Variants in ADAMTSL2 observed in about 807,000 individuals in gnomAD.
ADAMTSL2 encodes the protein ADAMTS like 2.
In ADAMTSL2, 55 loss-of-function variants were observed where a neutral mutation model predicts 117.0. The ratio of observed to expected loss-of-function variants is 0.47; its 90% CI spans 0.38 to 0.59. The LOEUF is 0.59. Ranked by LOEUF, ADAMTSL2 falls within the 20% of genes least tolerant of loss-of-function variation. The pLI, the probability that ADAMTSL2 is intolerant of heterozygous loss-of-function variation, is 0.00. For missense variants in ADAMTSL2, 1,182 were observed against 1,354.5 expected (o/e 0.87, Z 2.00); for synonymous variants, 572 against 566.4 (o/e 1.01, Z -0.14).
chr9:133,534,972 A>C, intron 1 of ADAMTSL2, 55 bp downstream of exon 1: 1 of 1,349,184 alleles, frequency 7.4e-7, no homozygotes, highest in Non-Finnish European at 9.5e-7. Flanking sequence ...AGGCCAGCCC[A>C]CTGCTCAGAG....
rs780918838 is a variant in ADAMTSL2, at chr9:133,540,792, G to A, written c.558+49G>A. 1.9e-6 allele frequency: 3 copies of A among 1,613,274 alleles called. No homozygotes were observed. The Admixed American group carries it at 5.0e-5, about 27-fold the overall frequency. On this transcript the variant is annotated intron_variant, in intron 6 of 18. Transcript: ENST00000651351. ...TACCGCCGGTCTCACTGTGCTGACT[G>A]CCCGCCCGCCTGTGGGAGGCAGTGG... is the stretch of plus-strand genomic sequence containing the variant.
chr9:133,567,707 C>G lies in ADAMTSL2; in HGVS notation c.1875-566C>G, dbSNP rs1404408774. Among the ~76,000 whole-genome samples, 4 of 152,222 alleles carry G rather than the reference C, an allele frequency of 2.6e-5. No individual in the cohort carries two copies. In the East Asian group the frequency reaches 5.8e-4, roughly 22 times the overall value. ...CACGTTTGCTCCTTTCTGGGAAGGGCAGAATGCCCAAGGTCCCCAGAATGC... is the reference window on the plus strand; with the variant it reads ...CACGTTTGCTCCTTTCTGGGAAGGGGAGAATGCCCAAGGTCCCCAGAATGC... On this transcript the variant is annotated intron_variant, in intron 13 of 18. Transcript: ENST00000651351.
At chr9:133,570,016 G>A (rs1024712955) in intron 16 of ADAMTSL2, among the ~76,000 whole-genome samples, 44 of 152,270 alleles carry the variant, frequency 2.9e-4, no homozygotes, top group African/African-American at 1.0e-3. Context: ...AGCAGCTCCC[G>A]GCAGGTCACT....
chr9:133,539,886 CT>C lies in ADAMTSL2; in HGVS notation c.412+14del. The stretch of plus-strand genomic sequence containing the variant: ...CCTCTGTACCCGGGTACCTGCCGCC[CT>C]GGGGACCCACCTTGCAGGGAGCTGA... On this transcript the variant is annotated intron_variant, in intron 5 of 18. Transcript: ENST00000651351. The C allele has an allele frequency of 1.9e-6, 3 of 1,550,552 alleles. No homozygotes were observed. Among genetic ancestry groups the C allele is most frequent in the Non-Finnish European group, 8.7e-7 (1 of 1,146,730 alleles).
chr9:133,537,310 C>A, intron 2 of ADAMTSL2, 95 bp from the exon 3 acceptor site: 1 of 1,270,110 alleles, frequency 7.9e-7, no homozygotes, highest in Non-Finnish European at 1.0e-6. Context: ...GTCTTCTGGT[C>A]CCGCTGACGG....
intron 14 of ADAMTSL2, 35 bp from the exon 15 acceptor site, chr9:133,568,568 C>A: frequency 6.4e-7 from 1 of 1,554,728 alleles, no homozygotes; most frequent in Non-Finnish European, 8.7e-7. Context: ...ACACCTGTGT[C>A]ACACCCCCCC....
chr9:133,567,942 C>T (rs1189425554), intron 13 of ADAMTSL2, among the ~76,000 whole-genome samples: 2 of 152,248 alleles, frequency 1.3e-5, no homozygotes, highest in Non-Finnish European at 2.9e-5. Flanking sequence ...AGAAATGTGC[C>T]TTCTGCTCAC....
At position 133,570,420 on chromosome 9, in the gene ADAMTSL2, C is replaced by G; in HGVS notation, c.2505C>G (p.Pro835=). 6.2e-7 allele frequency: 1 copy of G among 1,600,684 alleles called. No homozygotes were observed. Among genetic ancestry groups the G allele is most frequent in the Non-Finnish European group, 8.5e-7 (1 of 1,174,536 alleles). The change falls in exon 17 of 19, where the codon CCC becomes CCG. Residue 835 remains proline (P), a synonymous_variant. Transcript: ENST00000651351. The part of the protein sequence containing the change: ...ANGKPQTRSG[P]ECGLAKKPPE... ...GGAAGCCGCAGACGCGCAGTGGCCC[C>G]GAGTGCGGGCTCGCCAAGAAGCCTC...
chr9:133,555,968 A>AG lies in ADAMTSL2; in HGVS notation c.1649+43dup, dbSNP rs1830596926. 3.1e-6 allele frequency: 5 copies of AG among 1,602,074 alleles called. No individual in the cohort carries two copies. The East Asian group carries it at 6.7e-5, about 21-fold the overall frequency. ...TTCCTGAGCCCTGTCCAGGGCCCTC[A>AG]GGGGGCAGGATGGGGCCGAGGCCAG... On this transcript the variant is annotated intron_variant, in intron 11 of 18. Coordinates refer to ENST00000651351, the MANE Select transcript of ADAMTSL2 (RefSeq NM_014694.4).
At chr9:133,572,882 C>G (rs899571542) in intron 17 of ADAMTSL2, among the ~76,000 whole-genome samples, 3 of 152,170 alleles carry the variant, frequency 2.0e-5, no homozygotes, top group African/African-American at 4.8e-5. Context: ...GGCACCAGGG[C>G]TGGCCGGGAA....
chr9:133,558,633 C>A lies in ADAMTSL2; in HGVS notation c.1650-2565C>A, dbSNP rs922156352. Among the ~76,000 whole-genome samples the A allele has an allele frequency of 2.0e-5, 3 of 152,174 alleles. No homozygotes were observed. The highest frequency in any genetic ancestry group is 6.5e-5 in the Admixed American group (1 of 15,280). ...GGGAGCCCGTGAGCCTGTGTCTGGCCGGGCATCTGGGCGAAGGACCCTGAG... is the reference window on the plus strand; with the variant it reads ...GGGAGCCCGTGAGCCTGTGTCTGGCAGGGCATCTGGGCGAAGGACCCTGAG... On this transcript the variant is annotated intron_variant, in intron 11 of 18. Transcript: ENST00000651351. This position sits in a 1 kb window ranked among gnomAD's most constrained non-coding sequence, Gnocchi z 4.3.
chr9:133,537,356 C>T, intron 2 of ADAMTSL2, 49 bp from the exon 3 acceptor site: 1 of 1,328,354 alleles, frequency 7.5e-7, no homozygotes, highest in African/African-American at 1.5e-5. Context: ...GCAGGCTGGT[C>T]CTCCTGGGCA....
chr9:133,556,002 T>C, intron 11 of ADAMTSL2, 72 bp downstream of exon 11: 1 of 1,568,618 alleles, frequency 6.4e-7, no homozygotes, highest in Non-Finnish European at 8.6e-7. Flanking sequence ...AGGTAGAAAG[T>C]GAGGCCCCAC....
intron 3 of ADAMTSL2, 138 bp from the exon 4 acceptor site, chr9:133,538,211 G>A: frequency 3.2e-6 from 3 of 943,774 alleles, no homozygotes; most frequent in Non-Finnish European, 5.2e-6. Flanking sequence ...TACGGGGTGG[G>A]AGTTGAGTAG....
Position 133,547,166 on chromosome 9 carries a change from G to A in ADAMTSL2, c.892G>A (p.Glu298Lys). 1.2e-6 allele frequency: 2 copies of A among 1,614,136 alleles called. No individual in the cohort carries two copies. Among genetic ancestry groups the A allele is most frequent in the Non-Finnish European group, 1.7e-6 (2 of 1,180,008 alleles). ...CATGGATGTCTATGAGACCGGAATC[G>A]AGTACATCGTGGCACAGGGGCCCAC... is the stretch of plus-strand genomic sequence containing the variant. Reference protein sequence around the residue: ...RPMDVYETGIEYIVAQGPTNQ... With the variant: ...RPMDVYETGIKYIVAQGPTNQ... Residue 298 changes from glutamate (E) to lysine (K), a missense_variant, in exon 9 of 19, where the codon GAG (glutamate) becomes AAG (lysine). Physicochemically the swap from Glu to Lys is moderately conservative, Grantham distance 56 (BLOSUM62 1). This residue lies in a region of ADAMTSL2 where 372 missense variants were observed against 463.4 expected (regional missense o/e 0.80). Transcript: ENST00000651351.
chr9:133,553,189 G>T (rs1830526466), intron 9 of ADAMTSL2, among the ~76,000 whole-genome samples: 2 of 152,196 alleles, frequency 1.3e-5, no homozygotes, highest in African/African-American at 4.8e-5. Flanking sequence ...GGCCCTGAAG[G>T]CTTGGGACGT....
At chr9:133,539,894 C>T in intron 5 of ADAMTSL2, 21 bp downstream of exon 5, 1 of 1,549,116 alleles carries the variant, frequency 6.5e-7, no homozygotes, top group Non-Finnish European at 8.7e-7. Context: ...CCCTGGGGAC[C>T]CACCTTGCAG....
At chr9:133,539,983 G>A in intron 5 of ADAMTSL2, 110 bp downstream of exon 5, 1 of 1,028,264 alleles carries the variant, frequency 9.7e-7, no homozygotes. Context: ...GGAAATGGAG[G>A]TGGTCAGACG....
At chr9:133,569,715 A>G in intron 16 of ADAMTSL2, 137 bp downstream of exon 16, 1 of 925,404 alleles carries the variant, frequency 1.1e-6, no homozygotes, top group East Asian at 2.7e-5. Flanking sequence ...CAATTCCCTA[A>G]AAATTAATTT....
Sources: gnomAD v4.1 joint callset for allele counts (sites outside exome capture counted in the v4.1 genomes callset) on GRCh38, gnomAD v4.1.1 for gene constraint, gnomAD v4.1.1 regional missense constraint, Gnocchi (gnomAD v3.1) non-coding constraint, MANE v1.5 for transcripts, NCBI Gene and HGNC (gene_info 2026-07-23, HGNC 2026-07-21) for gene names.